The following CRLF2 variants were observed in gnomAD, a reference collection of about 807,000 sequenced individuals.
CRLF2 encodes cytokine receptor like factor 2.
Under a neutral mutation model 38.7 loss-of-function variants are expected in CRLF2, and 41 were observed. The observed-to-expected ratio is 1.06, with a 90% CI of 0.83 to 1.37. The LOEUF (loss-of-function observed/expected upper bound fraction) is 1.37. Ranked by LOEUF, CRLF2 falls within the 40% of genes most tolerant of loss-of-function variation. The pLI, the probability that CRLF2 is intolerant of heterozygous loss-of-function variation, is 0.00. For missense variants in CRLF2, 377 were observed against 322.2 expected, an observed-to-expected ratio of 1.17 and a Z score of -1.30; for synonymous variants, 140 against 128.8, an observed-to-expected ratio of 1.09 and a Z score of -0.59.
intron 1 of CRLF2, among the ~76,000 whole-genome samples, chrX:1,209,363 A>G (rs1321262162): frequency 1.3e-3 from 193 of 146,594 alleles, no homozygotes; most frequent in Middle Eastern, 7.3e-3. Context: ...ACAGACTCTC[A>G]CTCTGTCACC....
intron 5 of CRLF2, among the ~76,000 whole-genome samples, chrX:1,198,214 T>TTC (rs2086529145): frequency 1.7e-4 from 13 of 76,230 alleles, no homozygotes; most frequent in Non-Finnish European, 1.9e-4. Context: ...CCCTCCCACC[T>TTC]CGAAGGCAGG....
chrX:1,200,568 A>G (rs1249109259), intron 4 of CRLF2, among the ~76,000 whole-genome samples: 1 of 123,970 alleles, frequency 8.1e-6, no homozygotes, highest in Non-Finnish European at 1.7e-5. Context: ...ATGTGTATAT[A>G]AGCTGTGTGT....
intron 1 of CRLF2, among the ~76,000 whole-genome samples, chrX:1,209,645 T>A (rs1386651547): frequency 6.6e-6 from 1 of 152,084 alleles, no homozygotes; most frequent in African/African-American, 2.4e-5. Flanking sequence ...TTGTTTTTGT[T>A]TTTGCAAAAG....
At chrX:1,204,128 G>A (rs1366373997) in intron 3 of CRLF2, among the ~76,000 whole-genome samples, 1 of 94,530 alleles carries the variant, frequency 1.1e-5, no homozygotes, top group African/African-American at 3.2e-5. Flanking sequence ...GGATGAGGAT[G>A]AGAGAGTATT....
chrX:1,206,344 C>T, intron 3 of CRLF2, 89 bp downstream of exon 3: 1 of 1,153,130 alleles, frequency 8.7e-7, no homozygotes, highest in Non-Finnish European at 1.3e-6. Context: ...ATGGATCCGG[C>T]GATTTGCATG....
chrX:1,211,503 A>G (rs2086801021), intron 1 of CRLF2, among the ~76,000 whole-genome samples: 1 of 30,202 alleles, frequency 3.3e-5, no homozygotes, highest in South Asian at 1.6e-3. Flanking sequence ...ATAAGTGGAT[A>G]AAAGTGTGGG....
chrX:1,200,294 G>A (rs1361657609), intron 4 of CRLF2, among the ~76,000 whole-genome samples: 26 of 146,882 alleles, frequency 1.8e-4, no homozygotes, highest in African/African-American at 4.5e-4. Flanking sequence ...GTATATATAC[G>A]TGTATATAAG....
intron 7 of CRLF2, among the ~76,000 whole-genome samples, chrX:1,192,021 T>C (rs1388907501): frequency 0.63 from 88,309 of 140,028 alleles, 29,446 homozygotes; most frequent in East Asian, 0.92. Context: ...CCGACTAACA[T>C]GGTGAAACCC....
At chrX:1,193,698 C>T (rs2086432348) in intron 6 of CRLF2, among the ~76,000 whole-genome samples, 1 of 145,288 alleles carries the variant, frequency 6.9e-6, no homozygotes, top group African/African-American at 2.6e-5. Context: ...TGGAGAATGG[C>T]GTGAACCCGG....
At chrX:1,195,796 T>A (rs1359010186) in intron 6 of CRLF2, among the ~76,000 whole-genome samples, 2 of 89,854 alleles carry the variant, frequency 2.2e-5, no homozygotes, top group Non-Finnish European at 4.3e-5. Context: ...TTATATATAT[T>A]TATATATTAT....
At chrX:1,197,593 A>G (rs763608804) in intron 5 of CRLF2, among the ~76,000 whole-genome samples, 124 of 152,096 alleles carry the variant, frequency 8.2e-4, no homozygotes, top group African/African-American at 2.8e-3. Flanking sequence ...AGGCGGGCGG[A>G]TCACAAGGTC....
At chrX:1,207,561 C>A (rs1260807395) in intron 2 of CRLF2, among the ~76,000 whole-genome samples, 1 of 141,520 alleles carries the variant, frequency 7.1e-6, no homozygotes, top group African/African-American at 2.7e-5. Context: ...AACACCCCCC[C>A]CAAGAACTGC....
In CRLF2 at chrX:1,206,453, C is replaced by T; in HGVS notation, c.329G>A (p.Ser110Asn). ...RNGTHPVFTA[S>N]RWMVYYLKPS... Reference sequence around the variant, plus strand: ...CTTACGGTAATAAACCATCCAGCGACTTGCGGTGAAAACGGGGTGCGTCCC... The same window carrying T: ...CTTACGGTAATAAACCATCCAGCGATTTGCGGTGAAAACGGGGTGCGTCCC... Residue 110 changes from serine to asparagine, a missense_variant, in exon 3 of 8, where the codon AGT (serine) becomes AAT (asparagine). Coordinates refer to ENST00000400841, the MANE Select transcript of CRLF2 (RefSeq NM_022148.4). 6.2e-7 allele frequency: 1 copy of T among 1,613,642 alleles called. No individual in the cohort carries two copies.
At chrX:1,209,615 G>A (rs1363671012) in intron 1 of CRLF2, among the ~76,000 whole-genome samples, 1 of 152,128 alleles carries the variant, frequency 6.6e-6, no homozygotes, top group African/African-American at 2.4e-5. Flanking sequence ...GCAGGCGTGA[G>A]CCACCGCGCC....
intron 1 of CRLF2, among the ~76,000 whole-genome samples, chrX:1,212,106 G>T (rs2086813585): frequency 6.6e-6 from 1 of 151,922 alleles, no homozygotes; most frequent in African/African-American, 2.4e-5. Context: ...TGATAGATGG[G>T]TGGATGGATA....
At chrX:1,195,159 C>T (rs1204690563) in intron 6 of CRLF2, among the ~76,000 whole-genome samples, 24 of 152,108 alleles carry the variant, frequency 1.6e-4, no homozygotes, top group African/African-American at 5.5e-4. Flanking sequence ...CGCCACTGCA[C>T]TCCAGCCTGG....
At chrX:1,207,498 T>TCC (rs1465583334) in intron 2 of CRLF2, among the ~76,000 whole-genome samples, 6 of 37,844 alleles carry the variant, frequency 1.6e-4, no homozygotes, top group South Asian at 8.7e-4. Flanking sequence ...CCTCAGGTGA[T>TCC]CCACCCCCCC....
At chrX:1,210,145 A>T (rs1381564237) in intron 1 of CRLF2, among the ~76,000 whole-genome samples, 1 of 148,622 alleles carries the variant, frequency 6.7e-6, no homozygotes, top group Non-Finnish European at 1.5e-5. Context: ...AGAAAAGAAA[A>T]GAAATGGGCC....
chrX:1,192,650 TTTC>T (rs2086405457), intron 7 of CRLF2, among the ~76,000 whole-genome samples: 2 of 151,868 alleles, frequency 1.3e-5, no homozygotes, highest in African/African-American at 4.8e-5. Flanking sequence ...CTTTTCTTTT[TTTC>T]TTTCTTTCCT....
Sources: allele counts gnomAD v4.1 joint callset (sites outside exome capture counted in the v4.1 genomes callset), GRCh38; gene constraint gnomAD v4.1.1; transcripts MANE v1.5; gene names NCBI Gene and HGNC (gene_info 2026-07-23, HGNC 2026-07-21).